IGSF3: variants seen among roughly 807,000 people sequenced by gnomAD.
The protein encoded by IGSF3 is glu-Trp-Ile EWI motif-containing protein 3.
Under a neutral mutation model 114.4 loss-of-function variants are expected in IGSF3, and 23 were observed. That is an observed-to-expected ratio of 0.20 (90% CI 0.14 to 0.28). IGSF3 has a LOEUF of 0.28. Among genes scored for constraint, IGSF3 ranks in the 10% least tolerant of loss-of-function variants. IGSF3 has a pLI of 1.00. For synonymous variants in IGSF3, 571 were observed against 645.2 expected (o/e 0.88, Z 1.74); for missense variants, 1,172 against 1,591.5 (o/e 0.74, Z 4.48).
intron 2 of IGSF3, among the ~76,000 whole-genome samples, chr1:116,617,813 T>C (rs1250168376): frequency 2.6e-5 from 4 of 152,198 alleles, no homozygotes; most frequent in Non-Finnish European, 5.9e-5. Context: ...TCTGGATCCA[T>C]AGAGGACAGG....
rs931520437 is a variant in IGSF3 at position 116,618,714 on chromosome 1, A to T, written c.44-2257T>A. On this transcript the variant is annotated intron_variant, in intron 2 of 10. Transcript: ENST00000369486. The surrounding 1 kb of genome is among the most constrained non-coding windows in gnomAD (Gnocchi z 4.7). ...AAGTGACCCATGACTGTATACACAC[A>T]CAAATATGGTGACATTTTAATCAAA... Among the ~76,000 whole-genome samples, 2 of 152,250 alleles carry T rather than the reference A, an allele frequency of 1.3e-5. No homozygotes were observed. The highest frequency in any genetic ancestry group is 2.9e-5 in the Non-Finnish European group (2 of 68,042).
intron 10 of IGSF3, among the ~76,000 whole-genome samples, chr1:116,578,996 G>A (rs1283105693): frequency 1.3e-5 from 2 of 152,314 alleles, no homozygotes; most frequent in East Asian, 3.9e-4. Flanking sequence ...CAGTGAGGTA[G>A]TCAGCCTTCA....
chr1:116,617,184 A>C (rs1020699268), intron 2 of IGSF3: 1 of 509,368 alleles, frequency 2.0e-6, no homozygotes, highest in Non-Finnish European at 2.5e-6. Flanking sequence ...TGACAAGGAC[A>C]GTCAGGCTAC....
rs1221811814 is a variant in IGSF3, at chr1:116,664,605, T to A, written c.43+1679A>T. The stretch of plus-strand genomic sequence containing the variant: ...TCCACATGAATCACTAATTGCTGAT[T>A]TAAACCCAGACACTAAGCGAATGAC... On this transcript the variant is annotated intron_variant, in intron 2 of 10. Coordinates refer to ENST00000369486, the MANE Select transcript of IGSF3 (RefSeq NM_001007237.3). This position sits in a 1 kb window ranked among gnomAD's most constrained non-coding sequence, Gnocchi z 4.6. Among the ~76,000 whole-genome samples, 1 of 152,138 alleles carries A rather than the reference T, an allele frequency of 6.6e-6. No homozygotes were observed. The highest frequency in any genetic ancestry group is 1.5e-5 in the Non-Finnish European group (1 of 68,022).
Position 116,627,618 on chromosome 1 carries a change from C to T in IGSF3, c.44-11161G>A, listed in dbSNP as rs4044784. Among the ~76,000 whole-genome samples the T allele has an allele frequency of 6.6e-6, 1 of 152,214 alleles. No homozygotes were observed. Among genetic ancestry groups the T allele is most frequent in the African/African-American group, 2.4e-5 (1 of 41,454 alleles). On this transcript the variant is annotated intron_variant, in intron 2 of 10. Transcript: ENST00000369486. This position sits in a 1 kb window ranked among gnomAD's most constrained non-coding sequence, Gnocchi z 4.7. Reference sequence around the variant, plus strand: ...AGGCCGGGAGCGCATCTGCAGGCAGCGTCAGGATGTCAGCTACCAGGCAGC... The same window carrying T: ...AGGCCGGGAGCGCATCTGCAGGCAGTGTCAGGATGTCAGCTACCAGGCAGC...
At chr1:116,631,395 G>C (rs1647580940) in intron 2 of IGSF3, among the ~76,000 whole-genome samples, 1 of 151,700 alleles carries the variant, frequency 6.6e-6, no homozygotes, top group Admixed American at 6.6e-5. Flanking sequence ...TGTAAATAAG[G>C]AAACAGATAT....
intron 2 of IGSF3, among the ~76,000 whole-genome samples, chr1:116,630,881 G>C (rs1185713798): frequency 6.6e-6 from 1 of 152,232 alleles, no homozygotes; most frequent in Non-Finnish European, 1.5e-5. Flanking sequence ...TCGAATCTAT[G>C]CAGAGCTGCA....
In IGSF3 at chr1:116,665,475, C is replaced by A. The variant is rs560063831; in HGVS notation, c.43+809G>T. Among the ~76,000 whole-genome samples, 3 of 152,224 alleles carry A rather than the reference C, an allele frequency of 2.0e-5. No homozygotes were observed. Among genetic ancestry groups the A allele is most frequent in the East Asian group, 3.9e-4 (2 of 5,186 alleles). On this transcript the variant is annotated intron_variant, in intron 2 of 10. Coordinates refer to ENST00000369486, the MANE Select transcript of IGSF3 (RefSeq NM_001007237.3). This position sits in a 1 kb window ranked among gnomAD's most constrained non-coding sequence, Gnocchi z 4.0. ...ACCTGAGATGTGTTCTAAGACAGCA[C>A]GCTGAAGACAGTGCTCAATGGCATA...
intron 9 of IGSF3, among the ~76,000 whole-genome samples, chr1:116,581,709 G>C (rs1659608798): frequency 6.6e-6 from 1 of 152,180 alleles, no homozygotes; most frequent in Non-Finnish European, 1.5e-5. Context: ...ACCAGCTACA[G>C]GTGGCAGGCC....
chr1:116,661,307 A>T lies in IGSF3; in HGVS notation c.43+4977T>A, dbSNP rs2101087478. Among the ~76,000 whole-genome samples the T allele has an allele frequency of 6.6e-6, 1 of 151,640 alleles. No individual in the cohort carries two copies. The highest frequency in any genetic ancestry group is 2.1e-4 in the South Asian group (1 of 4,820). On this transcript the variant is annotated intron_variant, in intron 2 of 10. Transcript: ENST00000369486. The surrounding 1 kb of genome is among the most constrained non-coding windows in gnomAD (Gnocchi z 4.0). Reference sequence around the variant, plus strand: ...GACTCCATCTCAAAAAAAATAAAATAACTGAACACCTGCTTACTTTGCATG... The same window carrying T: ...GACTCCATCTCAAAAAAAATAAAATTACTGAACACCTGCTTACTTTGCATG...
rs1267671013 is a variant in IGSF3, at chr1:116,603,712, A to G, written c.1536T>C (p.His512=). The G allele has an allele frequency of 1.2e-6, 2 of 1,613,914 alleles. No individual in the cohort carries two copies. Among genetic ancestry groups the G allele is most frequent in the South Asian group, 2.2e-5 (2 of 91,070 alleles). Residue 512 remains histidine, a synonymous_variant, in exon 6 of 11, where the codon CAT becomes CAC. Transcript: ENST00000369486. The surrounding 1 kb of genome is among the most constrained non-coding windows in gnomAD (Gnocchi z 7.1). ...CCACTGCCCGCACCCATTCAGTCAC[A>G]TGGCATTCATACTGGCCCTCGTCCT... is the stretch of plus-strand genomic sequence containing the variant. ...RKEDEGQYEC[H]VTEWVRAVDG... is the part of the protein sequence containing the mutation.
At chr1:116,597,736 G>C (rs113404091) in intron 7 of IGSF3, among the ~76,000 whole-genome samples, 1 of 152,168 alleles carries the variant, frequency 6.6e-6, no homozygotes, top group Non-Finnish European at 1.5e-5. Context: ...CTTTACCCAG[G>C]AGGCAATTAT....
In IGSF3 at chr1:116,588,284, A is replaced by T. The variant is rs2101352555; in HGVS notation, c.2440+410T>A. On this transcript the variant is annotated intron_variant, in intron 8 of 10. Transcript: ENST00000369486. The surrounding 1 kb of genome is among the most constrained non-coding windows in gnomAD (Gnocchi z 4.9). Reference sequence around the variant, plus strand: ...GAGCTAAGGAAGAAGGGGGATGCAGATGCATAAAACCAGAAAATGCCTTCT... The same window carrying T: ...GAGCTAAGGAAGAAGGGGGATGCAGTTGCATAAAACCAGAAAATGCCTTCT... Among the ~76,000 whole-genome samples the T allele has an allele frequency of 6.6e-6, 1 of 152,300 alleles. No homozygotes were observed. Among genetic ancestry groups the T allele is most frequent in the Admixed American group, 6.5e-5 (1 of 15,298 alleles).
At chr1:116,609,045 A>AGGAAAGTACCTACTTTAGTG (rs1360855550) in intron 4 of IGSF3, among the ~76,000 whole-genome samples, 8 of 151,946 alleles carry the variant, frequency 5.3e-5, no homozygotes, top group Admixed American at 1.3e-4. Flanking sequence ...TTACTTTAGT[A>AGGAAAGTACCTACTTTAGTG]GGAAAGTACC....
At chr1:116,626,508 T>C (rs1268748033) in intron 2 of IGSF3, among the ~76,000 whole-genome samples, 1 of 152,162 alleles carries the variant, frequency 6.6e-6, no homozygotes, top group Non-Finnish European at 1.5e-5. Flanking sequence ...ACTTTTTTTT[T>C]CTATAACCAA....
chr1:116,616,282 G>A lies in IGSF3; in HGVS notation c.219C>T (p.Ser73=), dbSNP rs140377445. ...CATAGGGGAAGGAAGAGTCCATGGT[G>A]CTGACGATCTGCACCTCTCGCTCTG... ...SSPEREVQIV[S]TMDSSFPYAI... The change falls in exon 3 of 11, where the codon AGC becomes AGT. Residue 73 remains serine, a synonymous_variant. Transcript: ENST00000369486. The surrounding 1 kb of genome is among the most constrained non-coding windows in gnomAD (Gnocchi z 6.6). 1,826 of 1,611,526 alleles carry A rather than the reference G, an allele frequency of 1.1e-3. 10 individuals are homozygous for A. Among genetic ancestry groups the A allele is most frequent in the Non-Finnish European group, 5.7e-4 (669 of 1,179,174 alleles).
rs141403067 is a variant in IGSF3, at chr1:116,638,397, T to A, written c.44-21940A>T. Among the ~76,000 whole-genome samples, 405 of 152,358 alleles carry A rather than the reference T, an allele frequency of 2.7e-3. No homozygotes were observed. Among genetic ancestry groups the A allele is most frequent in the African/African-American group, 9.4e-3 (392 of 41,582 alleles). ...CAGTCCACTCAGTAAACTACTGCCA[T>A]ACAGGTCTCCCACAGCAGTTTCTCA... On this transcript the variant is annotated intron_variant, in intron 2 of 10. Transcript: ENST00000369486. The surrounding 1 kb of genome is among the most constrained non-coding windows in gnomAD (Gnocchi z 4.1).
At position 116,577,774 on chromosome 1, in the gene IGSF3, C is replaced by G. The variant is rs1659416023; in HGVS notation, c.3335-212G>C. ...CCTAATTTACGGCTGTATGTTCCAA[C>G]AAAGCAATGCTTCTGTTTTCCATTG... On this transcript the variant is annotated intron_variant, in intron 10 of 10. Transcript: ENST00000369486. This position sits in a 1 kb window ranked among gnomAD's most constrained non-coding sequence, Gnocchi z 5.7. Among the ~76,000 whole-genome samples the G allele has an allele frequency of 6.6e-6, 1 of 152,162 alleles. No individual in the cohort carries two copies.
At chr1:116,637,229 G>A (rs1647874619) in intron 2 of IGSF3, among the ~76,000 whole-genome samples, 1 of 152,190 alleles carries the variant, frequency 6.6e-6, no homozygotes, top group South Asian at 2.1e-4. Context: ...ACTAATGGCA[G>A]CCAGGGGAAA....
Sources: gnomAD v4.1 joint callset for allele counts (sites outside exome capture counted in the v4.1 genomes callset) on GRCh38, gnomAD v4.1.1 for gene constraint, Gnocchi (gnomAD v3.1) non-coding constraint, MANE v1.5 for transcripts, NCBI Gene and HGNC (gene_info 2026-07-23, HGNC 2026-07-21) for gene names.